CAST: variants seen among roughly 807,000 people sequenced by gnomAD.
CAST encodes calpastatin, also known as MIR583 host.
In CAST, 76 loss-of-function variants were observed where a neutral mutation model predicts 119.6. The ratio of observed to expected loss-of-function variants is 0.64; its 90% CI spans 0.53 to 0.77. The LOEUF is 0.77. Among genes scored for constraint, CAST ranks in the 30% least tolerant of loss-of-function variants. The probability of loss-of-function intolerance (pLI) is 0.00; values close to 1 mark genes in which losing one functional copy is unlikely to be tolerated. For missense variants in CAST, 953 were observed against 946.5 expected (o/e 1.01, Z -0.09); for synonymous variants, 319 against 331.6 (o/e 0.96, Z 0.41).
At chr5:96,223,001 C>T in the CAST span, among the ~76,000 whole-genome samples, 503 of 152,188 alleles carry the variant, frequency 3.3e-3, 1 homozygote, top group African/African-American at 0.011. Flanking sequence ...GTGAAATAAA[C>T]CAGGCATGGA....
At chr5:96,572,266 T>A (rs1165365407) in intron 1 of CAST, among the ~76,000 whole-genome samples, 1 of 151,970 alleles carries the variant, frequency 6.6e-6, no homozygotes, top group Non-Finnish European at 1.5e-5. Context: ...AGTGGCACGA[T>A]CTCGGCTGAC....
chr5:96,503,664 A>G, the CAST span, among the ~76,000 whole-genome samples: 2 of 152,156 alleles, frequency 1.3e-5, no homozygotes, highest in African/African-American at 4.8e-5. Flanking sequence ...CATCCGCTTA[A>G]TGTCGTGCTG....
At chr5:96,733,977 T>C (rs1294331890) in intron 9 of CAST, among the ~76,000 whole-genome samples, 1 of 152,190 alleles carries the variant, frequency 6.6e-6, no homozygotes, top group East Asian at 1.9e-4. Context: ...AAAGACAATG[T>C]ACCTGGGGCT....
intron 2 of CAST, among the ~76,000 whole-genome samples, chr5:96,676,524 C>T (rs1405522387): frequency 1.3e-5 from 2 of 152,008 alleles, no homozygotes; most frequent in Non-Finnish European, 2.9e-5. Flanking sequence ...AAAGTTTATG[C>T]CTCCATTTTC....
chr5:96,692,372 C>T (rs531204971), intron 2 of CAST, among the ~76,000 whole-genome samples: 3 of 152,268 alleles, frequency 2.0e-5, no homozygotes, highest in Non-Finnish European at 1.5e-5. Flanking sequence ...CCTGAGAAGA[C>T]TAGGAAGCAA....
the CAST span, among the ~76,000 whole-genome samples, chr5:96,420,981 T>C: frequency 6.6e-6 from 1 of 152,214 alleles, no homozygotes; most frequent in South Asian, 2.1e-4. Context: ...TTTGATCATT[T>C]TGGTGCAAGT....
At chr5:96,492,506 T>C in the CAST span, among the ~76,000 whole-genome samples, 51 of 152,342 alleles carry the variant, frequency 3.3e-4, no homozygotes, top group Middle Eastern at 0.02. Context: ...GTTAGCCCCC[T>C]AAGAAAACAT....
At chr5:96,155,445 T>C in the CAST span, among the ~76,000 whole-genome samples, 1 of 152,240 alleles carries the variant, frequency 6.6e-6, no homozygotes, top group African/African-American at 2.4e-5. Context: ...GATGGCCAAG[T>C]TGAGTATACA....
At chr5:96,397,538 T>C in the CAST span, 1 of 1,398,074 alleles carries the variant, frequency 7.2e-7, no homozygotes, top group Non-Finnish European at 1.0e-6. Context: ...TAGCATCTGA[T>C]AACTGAAAAT....
At chr5:96,610,283 A>G (rs1264346960) in intron 1 of CAST, among the ~76,000 whole-genome samples, 4 of 152,234 alleles carry the variant, frequency 2.6e-5, no homozygotes, top group African/African-American at 7.2e-5. Context: ...CAGTGGAACC[A>G]TAAGCCAATT....
the CAST span, among the ~76,000 whole-genome samples, chr5:96,413,528 A>T: frequency 1.3e-5 from 2 of 152,188 alleles, no homozygotes; most frequent in Non-Finnish European, 2.9e-5. Context: ...AGCCAGGCGC[A>T]GTGGCTCATG....
the CAST span, among the ~76,000 whole-genome samples, chr5:96,051,198 G>A: frequency 6.6e-6 from 1 of 152,078 alleles, no homozygotes; most frequent in East Asian, 1.9e-4. Context: ...TTTCATTCAG[G>A]CGTGTGTGTG....
chr5:96,421,304 G>A, the CAST span, among the ~76,000 whole-genome samples: 2 of 152,120 alleles, frequency 1.3e-5, no homozygotes, highest in East Asian at 3.9e-4. Context: ...TCTTTCCTAT[G>A]GCCTTATAGC....
At chr5:96,661,320 G>C (rs553965962), upstream of CAST, among the ~76,000 whole-genome samples, 1 of 144,374 alleles carries the variant, frequency 6.9e-6, no homozygotes, top group East Asian at 2.1e-4. Context: ...AAGTACTTAG[G>C]AGACTGAGGC....
intron 2 of CAST, among the ~76,000 whole-genome samples, chr5:96,693,426 CA>C (rs1318580269): frequency 6.6e-6 from 1 of 152,108 alleles, no homozygotes; most frequent in Non-Finnish European, 1.5e-5. Context: ...TAGTGGAATC[CA>C]TTTATAGACT....
At chr5:96,066,731 C>T in the CAST span, among the ~76,000 whole-genome samples, 1 of 151,874 alleles carries the variant, frequency 6.6e-6, no homozygotes, top group Non-Finnish European at 1.5e-5. Flanking sequence ...GTGATCATAC[C>T]TTACTGCAAG....
the CAST span, among the ~76,000 whole-genome samples, chr5:96,475,129 C>G: frequency 1.3e-5 from 2 of 152,166 alleles, no homozygotes; most frequent in East Asian, 1.9e-4. Context: ...TCATCCGTCC[C>G]TGCCCCCAGA....
At chr5:96,401,720 A>T in the CAST span, among the ~76,000 whole-genome samples, 49,382 of 151,880 alleles carry the variant, frequency 0.33, 8,448 homozygotes, top group Admixed American at 0.43. Flanking sequence ...ACATGCGGGA[A>T]ACTCATTTGT....
intron 1 of CAST, among the ~76,000 whole-genome samples, chr5:96,572,205 A>ATT (rs10654861): frequency 0.018 from 2,609 of 147,626 alleles, 62 homozygotes; most frequent in African/African-American, 0.053. Flanking sequence ...AATTTGTGCT[A>ATT]TTTTTTTTTT....
Sources: gnomAD v4.1 joint callset for allele counts (sites outside exome capture counted in the v4.1 genomes callset) on GRCh38, gnomAD v4.1.1 for gene constraint, MANE v1.5 for transcripts, NCBI Gene and HGNC (gene_info 2026-07-23, HGNC 2026-07-21) for gene names.